Variants in CLVS1 observed in about 807,000 individuals in gnomAD.
The protein encoded by CLVS1 is clavesin-1.
A neutral mutation model predicts 33.1 loss-of-function variants in CLVS1; 10 were observed. That is an observed-to-expected ratio of 0.30 (90% CI 0.19 to 0.51). The LOEUF (loss-of-function observed/expected upper bound fraction) is 0.51. Ranked by LOEUF, CLVS1 falls within the 20% of genes least tolerant of loss-of-function variation. The probability of loss-of-function intolerance (pLI) is 0.97; values close to 1 mark genes in which losing one functional copy is unlikely to be tolerated. For missense variants in CLVS1, 343 were observed against 433.4 expected (o/e 0.79, Z 1.85); for synonymous variants, 163 against 166.1 (o/e 0.98, Z 0.14).
At chr8:61,233,181 A>G (rs1042336665) in intron 2 of CLVS1, among the ~76,000 whole-genome samples, 1 of 152,208 alleles carries the variant, frequency 6.6e-6, no homozygotes, top group Non-Finnish European at 1.5e-5. Context: ...GTAATAATTG[A>G]GAAGTATTAG....
chr8:61,191,998 A>C (rs1332642929), intron 2 of CLVS1, among the ~76,000 whole-genome samples: 1 of 152,186 alleles, frequency 6.6e-6, no homozygotes, highest in Non-Finnish European at 1.5e-5. Flanking sequence ...GCTACCAATA[A>C]CTTTCTTCAC....
At chr8:61,020,217 G>C in the CLVS1 span, among the ~76,000 whole-genome samples, 2 of 152,192 alleles carry the variant, frequency 1.3e-5, no homozygotes, top group East Asian at 3.8e-4. Context: ...TCTCATTTTG[G>C]GGGAAACGAA....
chr8:60,966,296 G>A, the CLVS1 span: 12 of 450,076 alleles, frequency 2.7e-5, no homozygotes, highest in Non-Finnish European at 4.4e-5. Context: ...TGCAGCCCAG[G>A]TGAAGGGATC....
At chr8:61,066,448 A>G (rs1313063709) in intron 1 of CLVS1, among the ~76,000 whole-genome samples, 1 of 152,156 alleles carries the variant, frequency 6.6e-6, no homozygotes, top group African/African-American at 2.4e-5. Context: ...GCAGTGAGCT[A>G]TGATTTACCA....
intron 1 of CLVS1, among the ~76,000 whole-genome samples, chr8:61,079,799 A>AC (rs1563394667): frequency 1.3e-5 from 2 of 151,854 alleles, no homozygotes; most frequent in Non-Finnish European, 2.9e-5. Context: ...GAAAAAAAAA[A>AC]CACGTCAATA....
chr8:61,405,014 T>A (rs535130969), intron 3 of CLVS1, among the ~76,000 whole-genome samples: 56 of 152,332 alleles, frequency 3.7e-4, no homozygotes, highest in African/African-American at 1.3e-3. Context: ...CCACTCAATG[T>A]GGGCTCAGGG....
intron 2 of CLVS1, among the ~76,000 whole-genome samples, chr8:61,215,207 A>G (rs1302742830): frequency 1.3e-5 from 2 of 152,328 alleles, no homozygotes; most frequent in East Asian, 1.9e-4. Flanking sequence ...GAACTTAGTC[A>G]GAAAAATCAG....
intron 1 of CLVS1, among the ~76,000 whole-genome samples, chr8:61,097,246 C>T (rs1019903): frequency 0.22 from 32,963 of 151,108 alleles, 3,791 homozygotes; most frequent in East Asian, 0.3. Flanking sequence ...GAGCCGAGAT[C>T]GCACCACTGC....
At chr8:61,005,435 A>T in the CLVS1 span, among the ~76,000 whole-genome samples, 1 of 151,252 alleles carries the variant, frequency 6.6e-6, no homozygotes, top group Non-Finnish European at 1.5e-5. Context: ...GCATTATGAC[A>T]AGCAAATGCT....
intron 3 of CLVS1, among the ~76,000 whole-genome samples, chr8:61,438,177 AC>A (rs1364866149): frequency 6.6e-6 from 1 of 151,790 alleles, no homozygotes; most frequent in Non-Finnish European, 1.5e-5. Context: ...CTCTGCTCGC[AC>A]CCCCAACCTC....
At chr8:61,047,816 T>A in the CLVS1 span, among the ~76,000 whole-genome samples, 2 of 152,028 alleles carry the variant, frequency 1.3e-5, no homozygotes, top group African/African-American at 4.8e-5. Context: ...CGGGGAGGGA[T>A]AGCATTAGGA....
intron 3 of CLVS1, among the ~76,000 whole-genome samples, chr8:61,450,718 T>C (rs994566364): frequency 3.3e-5 from 5 of 152,200 alleles, no homozygotes; most frequent in African/African-American, 1.2e-4. Flanking sequence ...TGAGACATAC[T>C]GTAGGCCATC....
intron 2 of CLVS1, among the ~76,000 whole-genome samples, chr8:61,367,724 T>C (rs1336426389): frequency 6.6e-6 from 1 of 152,222 alleles, no homozygotes; most frequent in East Asian, 1.9e-4. Flanking sequence ...CACACAGAGA[T>C]TAAGTTACTT....
In CLVS1 at chr8:61,376,602, C is replaced by T; in HGVS notation, c.456-3C>T. On this transcript the variant is annotated splice_polypyrimidine_tract_variant and splice_region_variant and intron_variant, in intron 2 of 5. Coordinates refer to ENST00000325897, the MANE Select transcript of CLVS1 (RefSeq NM_173519.3). The stretch of plus-strand genomic sequence containing the variant: ...ACAGCTCTCCTTTCTGCTCTGGCTG[C>T]AGGAACTCCTTCACAGACATCCTTC... 5 of 1,612,768 alleles carry T rather than the reference C, an allele frequency of 3.1e-6. No homozygotes were observed. The highest frequency in any genetic ancestry group is 4.2e-6 in the Non-Finnish European group (5 of 1,179,060).
At position 61,245,777 on chromosome 8, in the gene CLVS1, T is replaced by C. The variant is rs1379837734; in HGVS notation, c.-151-53900T>C. 2.0e-5 allele frequency among the ~76,000 whole-genome samples: 3 copies of C among 152,028 alleles called. No individual in the cohort carries two copies. In the South Asian group the frequency reaches 6.2e-4, roughly 32 times the overall value. ...TTCCTCATTATTAGCTTGGTAGCTA[T>C]ACACCATTTTATTATTATCTTAGGG... On this transcript the variant is annotated intron_variant, in intron 2 of 2. Transcript: ENST00000522621.
chr8:61,031,615 T>G, the CLVS1 span, among the ~76,000 whole-genome samples: 1 of 152,232 alleles, frequency 6.6e-6, no homozygotes, highest in Non-Finnish European at 1.5e-5. Context: ...ATTCTCTGTT[T>G]GGAGTAGTAA....
intron 1 of CLVS1, among the ~76,000 whole-genome samples, chr8:61,058,628 C>T (rs766985355): frequency 2.8e-4 from 42 of 152,174 alleles, no homozygotes; most frequent in Non-Finnish European, 4.9e-4. Flanking sequence ...ATGCAATCAT[C>T]ACTACTGTCA....
At chr8:61,026,094 A>T in the CLVS1 span, among the ~76,000 whole-genome samples, 10 of 150,314 alleles carry the variant, frequency 6.7e-5, no homozygotes, top group Admixed American at 2.0e-4. Context: ...TCAGAATGAG[A>T]CTGTGTTTGG....
intron 2 of CLVS1, among the ~76,000 whole-genome samples, chr8:61,161,776 C>T (rs74668775): frequency 4.6e-5 from 7 of 152,230 alleles, no homozygotes; most frequent in Admixed American, 1.3e-4. Flanking sequence ...CAATCACTAC[C>T]GGAATAGGTT....
Sources: gnomAD v4.1 joint callset for allele counts (sites outside exome capture counted in the v4.1 genomes callset) on GRCh38, gnomAD v4.1.1 for gene constraint, MANE v1.5 for transcripts, NCBI Gene and HGNC (gene_info 2026-07-23, HGNC 2026-07-21) for gene names.